Variants in SMCO2 observed in about 807,000 individuals in gnomAD.
SMCO2 encodes the protein single-pass membrane protein with coiled-coil domains 2, also known as single-pass membrane and coiled-coil domain-containing protein 2.
A neutral mutation model predicts 29.5 loss-of-function variants in SMCO2; 25 were observed. The observed-to-expected ratio is 0.85, with a 90% confidence interval of 0.62 to 1.18. The LOEUF is 1.18. Ranked by LOEUF, SMCO2 falls within the 50% of genes most tolerant of loss-of-function variation. The pLI is 0.00. For missense variants in SMCO2, 348 were observed against 344.5 expected (o/e 1.01, Z -0.08); for synonymous variants, 117 against 123.3 (o/e 0.95, Z 0.34).
the SMCO2 span, among the ~76,000 whole-genome samples, chr12:27,454,818 A>C: frequency 1.4e-4 from 21 of 152,142 alleles, no homozygotes; most frequent in Non-Finnish European, 1.0e-4. Context: ...GAGTGAGAAC[A>C]TGTGGTGTTT....
At chr12:27,435,752 A>G in the SMCO2 span, among the ~76,000 whole-genome samples, 2 of 152,082 alleles carry the variant, frequency 1.3e-5, no homozygotes, top group Admixed American at 1.3e-4. Flanking sequence ...TGGTGACCCC[A>G]TTTCTACACT....
chr12:27,433,552 A>G, the SMCO2 span, among the ~76,000 whole-genome samples: 2 of 151,600 alleles, frequency 1.3e-5, no homozygotes, highest in Non-Finnish European at 2.9e-5. Context: ...CATATATCAT[A>G]TTCTCAACCA....
chr12:27,493,836 C>T (rs1337602648), intron 5 of SMCO2: 1 of 152,410 alleles, frequency 6.6e-6, no homozygotes, highest in Admixed American at 6.5e-5. Flanking sequence ...AGAAGAGGAA[C>T]CAGATCTTTT....
At chr12:27,440,207 C>T in the SMCO2 span, among the ~76,000 whole-genome samples, 3 of 152,086 alleles carry the variant, frequency 2.0e-5, no homozygotes. Context: ...TTTCAAAGTG[C>T]TAAAAGAAAA....
At chr12:27,443,695 A>C in the SMCO2 span, among the ~76,000 whole-genome samples, 1 of 152,206 alleles carries the variant, frequency 6.6e-6, no homozygotes, top group African/African-American at 2.4e-5. Flanking sequence ...TACAAAAATC[A>C]ATAGTATTTA....
chr12:27,482,241 T>C (rs1224737789), intron 4 of SMCO2, among the ~76,000 whole-genome samples: 1 of 152,192 alleles, frequency 6.6e-6, no homozygotes, highest in Admixed American at 6.5e-5. Context: ...CATTCTAATG[T>C]CCCTTTTGAT....
At chr12:27,455,222 G>A in the SMCO2 span, among the ~76,000 whole-genome samples, 2 of 152,158 alleles carry the variant, frequency 1.3e-5, no homozygotes, top group Non-Finnish European at 2.9e-5. Flanking sequence ...GGGCATTTGG[G>A]AGAAGCACTC....
the SMCO2 span, among the ~76,000 whole-genome samples, chr12:27,440,685 TTTA>T: frequency 6.7e-6 from 1 of 149,830 alleles, no homozygotes; most frequent in African/African-American, 2.4e-5. Context: ...TTTCTAGTCT[TTTA>T]TTTGTGATCT....
chr12:27,486,475 C>T (rs1685744746), intron 4 of SMCO2, among the ~76,000 whole-genome samples: 1 of 152,202 alleles, frequency 6.6e-6, no homozygotes, highest in Admixed American at 6.5e-5. Flanking sequence ...TGTTCAACGT[C>T]TGAAAACCAT....
chr12:27,477,120 A>G (rs2728720), intron 4 of SMCO2, among the ~76,000 whole-genome samples: 17,456 of 149,564 alleles, frequency 0.12, 1,937 homozygotes, highest in African/African-American at 0.27. Flanking sequence ...GTGATGAATT[A>G]TCTCACTTTT....
At chr12:27,493,142 G>T (rs1159605619) in intron 5 of SMCO2, among the ~76,000 whole-genome samples, 3 of 152,126 alleles carry the variant, frequency 2.0e-5, no homozygotes, top group Non-Finnish European at 2.9e-5. Context: ...GAGAATTTAT[G>T]AACACAAAGA....
intron 4 of SMCO2, among the ~76,000 whole-genome samples, chr12:27,484,870 AAATATATAT>A (rs1315964517): frequency 1.2e-4 from 11 of 95,146 alleles, no homozygotes; most frequent in African/African-American, 6.5e-4. Context: ...AAAAAAAAAA[AAATATATAT>A]ATATATATAT....
chr12:27,463,140 G>A (rs375992876), upstream of SMCO2, among the ~76,000 whole-genome samples: 8 of 152,336 alleles, frequency 5.3e-5, no homozygotes, highest in East Asian at 1.5e-3. Context: ...AAGCTGTCAA[G>A]GTCAAGGTCA....
At chr12:27,477,332 G>A (rs1949597277) in intron 4 of SMCO2, among the ~76,000 whole-genome samples, 2 of 145,186 alleles carry the variant, frequency 1.4e-5, no homozygotes, top group Non-Finnish European at 1.5e-5. Flanking sequence ...TCCCTTATAT[G>A]TGACTTGACA....
At chr12:27,439,459 G>A in the SMCO2 span, among the ~76,000 whole-genome samples, 16 of 152,056 alleles carry the variant, frequency 1.1e-4, no homozygotes, top group African/African-American at 3.9e-4. Flanking sequence ...AGAAACAAAA[G>A]CAAATGGGAA....
upstream of SMCO2, among the ~76,000 whole-genome samples, chr12:27,462,040 A>G (rs1949462856): frequency 6.6e-6 from 1 of 152,206 alleles, no homozygotes; most frequent in African/African-American, 2.4e-5. Flanking sequence ...ACATCCTTTT[A>G]TCCTCTGCCT....
the SMCO2 span, among the ~76,000 whole-genome samples, chr12:27,427,431 G>A: frequency 5.9e-5 from 9 of 152,276 alleles, no homozygotes; most frequent in South Asian, 1.2e-3. Flanking sequence ...ACAAATGGAC[G>A]TATCCACAGA....
chr12:27,452,763 C>T, the SMCO2 span, among the ~76,000 whole-genome samples: 1 of 152,172 alleles, frequency 6.6e-6, no homozygotes, highest in South Asian at 2.1e-4. Flanking sequence ...GCTGGGATTA[C>T]AGATAAGAGC....
the SMCO2 span, among the ~76,000 whole-genome samples, chr12:27,437,628 T>C: frequency 6.6e-6 from 1 of 151,976 alleles, no homozygotes; most frequent in Non-Finnish European, 1.5e-5. Context: ...ATATTATAAG[T>C]ACAACTGGCA....
Sources: gnomAD v4.1 joint callset for allele counts (sites outside exome capture counted in the v4.1 genomes callset) on GRCh38, gnomAD v4.1.1 for gene constraint, MANE v1.5 for transcripts, NCBI Gene and HGNC (gene_info 2026-07-23, HGNC 2026-07-21) for gene names.